The following ADAMTS16 variants were observed in gnomAD, a reference collection of about 807,000 sequenced individuals.
ADAMTS16 encodes ADAM metallopeptidase with thrombospondin type 1 motif 16.
A neutral mutation model predicts 145.8 loss-of-function variants in ADAMTS16; 94 were observed. The ratio of observed to expected loss-of-function variants is 0.64; its 90% CI spans 0.55 to 0.77. ADAMTS16 has a LOEUF of 0.77. ADAMTS16 is among the 30% of genes least tolerant of loss of function. The pLI is 0.00. For missense variants in ADAMTS16, 1,585 were observed against 1,591.5 expected, an observed-to-expected ratio of 1.00 and a Z score of 0.07; for synonymous variants, 659 against 604.3, an observed-to-expected ratio of 1.09 and a Z score of -1.33.
intron 17 of ADAMTS16, among the ~76,000 whole-genome samples, chr5:5,243,333 G>A (rs1045732615): frequency 6.6e-6 from 1 of 152,216 alleles, no homozygotes; most frequent in South Asian, 2.1e-4. Context: ...CAAGCATGTT[G>A]CTCTAATAGT....
intron 18 of ADAMTS16, 78 bp downstream of exon 18, chr5:5,262,861 G>T (rs149078800): frequency 1.8e-5 from 29 of 1,572,280 alleles, no homozygotes; most frequent in Non-Finnish European, 2.2e-5. Flanking sequence ...TCCTGATTTC[G>T]AGAGAGAAGT....
intron 11 of ADAMTS16, among the ~76,000 whole-genome samples, chr5:5,225,311 G>A (rs1715551267): frequency 6.6e-6 from 1 of 152,096 alleles, no homozygotes; most frequent in African/African-American, 2.4e-5. Context: ...AGTATATAAA[G>A]AGGAAAGAGA....
At chr5:5,294,490 T>C (rs1739451421) in intron 18 of ADAMTS16, among the ~76,000 whole-genome samples, 2 of 152,216 alleles carry the variant, frequency 1.3e-5, no homozygotes, top group Admixed American at 1.3e-4. Context: ...CCTCCCTCTA[T>C]TGAGGCCTTC....
intron 3 of ADAMTS16, among the ~76,000 whole-genome samples, chr5:5,175,340 C>T (rs1213913890): frequency 6.6e-6 from 1 of 152,134 alleles, no homozygotes; most frequent in Non-Finnish European, 1.5e-5. Context: ...CAGAATTCTA[C>T]CTGGTGCCCT....
intron 18 of ADAMTS16, among the ~76,000 whole-genome samples, chr5:5,300,084 G>A (rs1296518908): frequency 6.6e-6 from 1 of 152,186 alleles, no homozygotes; most frequent in South Asian, 2.1e-4. Flanking sequence ...AGAATGGATC[G>A]ACCCAGTTGG....
chr5:5,172,499 A>T (rs749434973), intron 3 of ADAMTS16, among the ~76,000 whole-genome samples: 5 of 152,036 alleles, frequency 3.3e-5, no homozygotes, highest in Non-Finnish European at 5.9e-5. Context: ...TCATTGACCC[A>T]CTGGTCATTC....
chr5:5,296,991 G>A (rs568709715), intron 18 of ADAMTS16, among the ~76,000 whole-genome samples: 27 of 152,266 alleles, frequency 1.8e-4, no homozygotes, highest in Non-Finnish European at 2.9e-4. Context: ...ACCTGAAGAG[G>A]GCAAAATACT....
At chr5:5,140,860 C>T (rs1455668049) in intron 2 of ADAMTS16, 94 bp downstream of exon 2, 5 of 1,189,662 alleles carry the variant, frequency 4.2e-6, no homozygotes, top group East Asian at 3.0e-5. Context: ...ATGTTCACGA[C>T]TCTGTGGAAC....
At chr5:5,312,661 TG>T in intron 21 of ADAMTS16, among the ~76,000 whole-genome samples, 1 of 152,314 alleles carries the variant, frequency 6.6e-6, no homozygotes, top group Non-Finnish European at 1.5e-5. Context: ...TTGGCCAGGC[TG>T]GTCTCGAACT....
chr5:5,182,136 C>G lies in ADAMTS16; in HGVS notation c.594C>G (p.Ser198Arg), dbSNP rs757742744. The change falls in exon 4 of 23, where the codon AGC becomes AGG. Residue 198 changes from serine (S) to arginine (R), a missense_variant. Around this residue, in one of 3 missense-constraint regions of ADAMTS16, gnomAD observed 453 missense variants for 412.1 expected, o/e 1.10. Coordinates refer to ENST00000274181, the MANE Select transcript of ADAMTS16 (RefSeq NM_139056.4). ...AACTCGGCAGAGCTGCCCAAGGCAG[C>G]TCGCCATCCCACGTACTGTACAAGA... Reference protein sequence around the residue: ...SWKLGRAAQGSSPSHVLYKRS... With the variant: ...SWKLGRAAQGRSPSHVLYKRS... 2.5e-6 allele frequency: 4 copies of G among 1,613,998 alleles called. No homozygotes were observed. The highest frequency in any genetic ancestry group is 3.4e-6 in the Non-Finnish European group (4 of 1,180,052).
At chr5:5,247,590 A>G (rs1737487912) in intron 17 of ADAMTS16, among the ~76,000 whole-genome samples, 2 of 151,290 alleles carry the variant, frequency 1.3e-5, no homozygotes. Flanking sequence ...GCCTCCACTC[A>G]TCAGGGGTGC....
At chr5:5,189,920 C>T in intron 6 of ADAMTS16, 51 bp from the exon 7 acceptor site, 6 of 1,597,996 alleles carry the variant, frequency 3.8e-6, no homozygotes, top group Non-Finnish European at 5.1e-6. Flanking sequence ...TGCATTATAA[C>T]ATGTTTTCTC....
chr5:5,202,400 A>C (rs1428278377), intron 9 of ADAMTS16, among the ~76,000 whole-genome samples: 1 of 152,258 alleles, frequency 6.6e-6, no homozygotes, highest in East Asian at 1.9e-4. Context: ...TTACCAAAAA[A>C]AGACAATGTT....
chr5:5,187,812 G>A lies in ADAMTS16; in HGVS notation c.1047+4G>A, dbSNP rs1735549396. 6.4e-7 allele frequency: 1 copy of A among 1,567,098 alleles called. No individual in the cohort carries two copies. Among genetic ancestry groups the A allele is most frequent in the Non-Finnish European group, 8.8e-7 (1 of 1,138,432 alleles). ...GATTCTTCTAGAAGATGAACAGGTA[G>A]TTTATCTTTGAAACTATCTACTCTT... On this transcript the variant is annotated splice_donor_region_variant and intron_variant, in intron 6 of 22. Transcript: ENST00000274181.
At chr5:5,235,740 A>G (rs948666905) in intron 13 of ADAMTS16, among the ~76,000 whole-genome samples, 1 of 152,230 alleles carries the variant, frequency 6.6e-6, no homozygotes, top group Non-Finnish European at 1.5e-5. Flanking sequence ...AAAATAACTT[A>G]AAGTCAGTAG....
At chr5:5,288,746 T>G (rs780464533) in intron 18 of ADAMTS16, among the ~76,000 whole-genome samples, 3 of 152,202 alleles carry the variant, frequency 2.0e-5, no homozygotes, top group Non-Finnish European at 2.9e-5. Context: ...CAAACTCACG[T>G]CAGATTTTTC....
At chr5:5,208,051 G>A (rs1736176359) in intron 9 of ADAMTS16, among the ~76,000 whole-genome samples, 1 of 152,156 alleles carries the variant, frequency 6.6e-6, no homozygotes, top group Non-Finnish European at 1.5e-5. Context: ...AATTTAGAAA[G>A]TATTCCCTCT....
At chr5:5,210,760 C>T (rs1487662186) in intron 10 of ADAMTS16, among the ~76,000 whole-genome samples, 1 of 152,144 alleles carries the variant, frequency 6.6e-6, no homozygotes, top group East Asian at 1.9e-4. Flanking sequence ...AATCCCAATT[C>T]GTTCAGAGAT....
chr5:5,225,063 T>C (rs543316062), intron 11 of ADAMTS16, among the ~76,000 whole-genome samples: 1 of 151,938 alleles, frequency 6.6e-6, no homozygotes, highest in East Asian at 1.9e-4. Flanking sequence ...TAGAGTAGGT[T>C]CCTAAAAATT....
Sources: gnomAD v4.1 joint callset for allele counts (sites outside exome capture counted in the v4.1 genomes callset) on GRCh38, gnomAD v4.1.1 for gene constraint, gnomAD v4.1.1 regional missense constraint, MANE v1.5 for transcripts, NCBI Gene and HGNC (gene_info 2026-07-23, HGNC 2026-07-21) for gene names.